Variants in TRPM3 observed in about 807,000 individuals in gnomAD.
The protein encoded by TRPM3 is long transient receptor potential channel 3.
TRPM3 carries 77 observed loss-of-function variants against 181.2 expected under a neutral mutation model. The observed-to-expected ratio is 0.42, with a 90% CI of 0.35 to 0.51. The LOEUF (loss-of-function observed/expected upper bound fraction) is 0.51. Among genes scored for constraint, TRPM3 ranks in the 20% least tolerant of loss-of-function variants. The pLI is 0.01. For synonymous variants in TRPM3, 745 were observed against 796.4 expected (o/e 0.94, Z 1.09); for missense variants, 1,759 against 2,196.7 (o/e 0.80, Z 3.98).
chr9:70,614,992 G>A (rs1478957838), intron 18 of TRPM3, among the ~76,000 whole-genome samples: 1 of 152,190 alleles, frequency 6.6e-6, no homozygotes, highest in African/African-American at 2.4e-5. Flanking sequence ...CAGTAAGTCA[G>A]GGATTATGTC....
In TRPM3 at chr9:71,440,343, T is replaced by C. The variant is rs566722113; in HGVS notation, c.183+6310A>G. 3.3e-4 allele frequency among the ~76,000 whole-genome samples: 51 copies of C among 152,248 alleles called. No homozygotes were observed. In the East Asian group the frequency reaches 9.9e-3, roughly 29 times the overall value. On this transcript the variant is annotated intron_variant, in intron 1 of 24. Coordinates refer to the TRPM3 transcript ENST00000357533. ...GCCACCATACTGTACCATACAAATA[T>C]TTGCACTTGCTGTCATTGTTGTTAT...
chr9:70,603,461 T>C lies in TRPM3; in HGVS notation c.2677A>G (p.Ile893Val), dbSNP rs2060449505. The C allele has an allele frequency of 1.2e-6, 2 of 1,613,958 alleles. No homozygotes were observed. Among genetic ancestry groups the C allele is most frequent in the Non-Finnish European group, 1.7e-6 (2 of 1,179,990 alleles). The change falls in exon 20 of 26, where the codon ATC (isoleucine) becomes GTC (valine). Residue 893 changes from isoleucine (I) to valine (V), a missense_variant. Physicochemically the swap from Ile to Val is conservative, Grantham distance 29. Transcript: ENST00000677713. ...VKFWFYTLAY[I>V]GYLMLFNYIV... ...TAGTTGAAGAGCATCAGGTATCCGA[T>C]ATACGCCAGCTGTAAGGAGACACAA...
chr9:70,575,104 G>C (rs961573909), intron 22 of TRPM3, among the ~76,000 whole-genome samples: 1 of 118,404 alleles, frequency 8.4e-6, no homozygotes, highest in African/African-American at 2.8e-5. Flanking sequence ...ACCACATCCC[G>C]CATAATTTTT....
intron 1 of TRPM3, among the ~76,000 whole-genome samples, chr9:71,059,137 A>G (rs1374834123): frequency 6.7e-6 from 1 of 148,200 alleles, no homozygotes; most frequent in Non-Finnish European, 1.5e-5. Context: ...AAAGGTTACC[A>G]AAACCAAAGA....
intron 7 of TRPM3, among the ~76,000 whole-genome samples, chr9:70,781,680 T>C (rs1034148890): frequency 2.0e-5 from 3 of 152,048 alleles, no homozygotes; most frequent in African/African-American, 7.2e-5. Flanking sequence ...TGGCCTGGGA[T>C]CTTGGGCTGT....
intron 3 of TRPM3, among the ~76,000 whole-genome samples, chr9:70,853,734 G>A (rs1421973105): frequency 6.6e-6 from 1 of 152,076 alleles, no homozygotes; most frequent in African/African-American, 2.4e-5. Flanking sequence ...ACAAACAACG[G>A]GTGGCTCTGG....
chr9:70,920,267 C>G (rs1021591255), intron 1 of TRPM3, among the ~76,000 whole-genome samples: 1 of 152,174 alleles, frequency 6.6e-6, no homozygotes, highest in African/African-American at 2.4e-5. Flanking sequence ...CAACTGTGCC[C>G]TGTTTGTATT....
intron 7 of TRPM3, among the ~76,000 whole-genome samples, chr9:70,781,450 A>G (rs1227168220): frequency 6.6e-6 from 1 of 151,956 alleles, no homozygotes; most frequent in Non-Finnish European, 1.5e-5. Flanking sequence ...ATCAGCTTGG[A>G]CACTGGTTTA....
chr9:71,016,239 T>A (rs1269559149), intron 1 of TRPM3, among the ~76,000 whole-genome samples: 1 of 10,344 alleles, frequency 9.7e-5, no homozygotes, highest in Admixed American at 5.3e-4. Flanking sequence ...ATGTGTGGTG[T>A]GTGTGTGTGT....
intron 1 of TRPM3, among the ~76,000 whole-genome samples, chr9:71,225,671 C>CT: frequency 6.6e-6 from 1 of 151,952 alleles, no homozygotes. Flanking sequence ...TATAACTTTT[C>CT]TTTTTTGAGA....
intron 1 of TRPM3, among the ~76,000 whole-genome samples, chr9:71,029,590 T>A (rs2134642194): frequency 6.6e-6 from 1 of 152,302 alleles, no homozygotes; most frequent in Admixed American, 6.5e-5. Flanking sequence ...AATACCATGA[T>A]AATGTATAGA....
chr9:71,082,546 G>C (rs141567586), intron 1 of TRPM3, among the ~76,000 whole-genome samples: 1 of 152,224 alleles, frequency 6.6e-6, no homozygotes, highest in East Asian at 1.9e-4. Flanking sequence ...CACAAACACT[G>C]TTAAATGATA....
chr9:70,698,508 A>G (rs1226257137), intron 8 of TRPM3, among the ~76,000 whole-genome samples: 1 of 152,224 alleles, frequency 6.6e-6, no homozygotes, highest in African/African-American at 2.4e-5. Context: ...TGAGACACGC[A>G]TGCTAACATT....
intron 1 of TRPM3, among the ~76,000 whole-genome samples, chr9:70,934,548 T>C (rs565482791): frequency 2.6e-5 from 4 of 152,338 alleles, no homozygotes; most frequent in Non-Finnish European, 2.9e-5. Flanking sequence ...TGTTTTGCCA[T>C]GAGCAGTTCT....
chr9:71,432,145 C>T (rs1208359087), intron 1 of TRPM3, among the ~76,000 whole-genome samples: 1 of 152,140 alleles, frequency 6.6e-6, no homozygotes, highest in Non-Finnish European at 1.5e-5. Flanking sequence ...ATACAATATC[C>T]TGTGAATTAC....
intron 8 of TRPM3, among the ~76,000 whole-genome samples, chr9:70,744,327 C>T (rs1399301751): frequency 1.1e-4 from 1 of 9,136 alleles, no homozygotes; most frequent in Admixed American, 1.8e-3. Flanking sequence ...AAATCTCTGT[C>T]TCAAAAAAAA....
intron 1 of TRPM3, among the ~76,000 whole-genome samples, chr9:71,246,552 A>C (rs916656074): frequency 5.9e-5 from 9 of 152,350 alleles, no homozygotes; most frequent in East Asian, 1.9e-4. Flanking sequence ...GGAAAAAGAA[A>C]AGCAAACAAT....
chr9:70,876,717 G>T (rs939929954), intron 1 of TRPM3, among the ~76,000 whole-genome samples: 1 of 151,812 alleles, frequency 6.6e-6, no homozygotes, highest in Non-Finnish European at 1.5e-5. Context: ...CTGATAATCG[G>T]ATTCTTCTGA....
At chr9:71,415,758 A>T (rs2093627631) in intron 1 of TRPM3, among the ~76,000 whole-genome samples, 1 of 151,812 alleles carries the variant, frequency 6.6e-6, no homozygotes, top group African/African-American at 2.4e-5. Context: ...CATTTAAGAG[A>T]CTCTTAGTGT....
Sources: gnomAD v4.1 joint callset for allele counts (sites outside exome capture counted in the v4.1 genomes callset) on GRCh38, gnomAD v4.1.1 for gene constraint, MANE v1.5 for transcripts, NCBI Gene and HGNC (gene_info 2026-07-23, HGNC 2026-07-21) for gene names.